The following MPHOSPH9 variants were observed in gnomAD, a reference collection of about 807,000 sequenced individuals.
MPHOSPH9 encodes the protein M-phase phosphoprotein 9.
A neutral mutation model predicts 145.5 loss-of-function variants in MPHOSPH9; 88 were observed. The ratio of observed to expected loss-of-function variants is 0.60; its 90% CI spans 0.51 to 0.72. The LOEUF (loss-of-function observed/expected upper bound fraction) is 0.72. Ranked by LOEUF, MPHOSPH9 falls within the 30% of genes least tolerant of loss-of-function variation. MPHOSPH9 has a pLI of 0.00. For synonymous variants in MPHOSPH9, 435 were observed against 486.2 expected (o/e 0.89, Z 1.39); for missense variants, 1,238 against 1,386.6 (o/e 0.89, Z 1.70).
intron 3 of MPHOSPH9, chr12:123,226,389 T>G: frequency 1.0e-6 from 1 of 968,194 alleles, no homozygotes; most frequent in Non-Finnish European, 1.3e-6. Flanking sequence ...AAAAGTACAA[T>G]TAACGTTTAA....
At chr12:123,163,173 T>C in intron 19 of MPHOSPH9, 39 bp from the exon 20 acceptor site, 1 of 1,536,554 alleles carries the variant, frequency 6.5e-7, no homozygotes, top group Non-Finnish European at 8.7e-7. Flanking sequence ...CTTTTCCTTC[T>C]ATATGTATCA....
chr12:123,193,787 T>C (rs918628426), intron 13 of MPHOSPH9, among the ~76,000 whole-genome samples: 34 of 151,866 alleles, frequency 2.2e-4, no homozygotes, highest in Non-Finnish European at 4.7e-4. Flanking sequence ...CACACAAATG[T>C]TAAGATAGCT....
At chr12:123,202,127 G>A in intron 11 of MPHOSPH9, 37 bp downstream of exon 11, 1 of 1,553,826 alleles carries the variant, frequency 6.4e-7, no homozygotes, top group Non-Finnish European at 8.7e-7. Flanking sequence ...ATACATCCAA[G>A]GTGGAGAAAA....
chr12:123,207,236 T>A (rs2046475477), intron 8 of MPHOSPH9, among the ~76,000 whole-genome samples: 1 of 146,386 alleles, frequency 6.8e-6, no homozygotes. Flanking sequence ...AAGTTGACAA[T>A]ACCGTAGAGT....
chr12:123,184,026 C>T (rs527283526), intron 13 of MPHOSPH9, among the ~76,000 whole-genome samples: 1 of 152,126 alleles, frequency 6.6e-6, no homozygotes, highest in South Asian at 2.1e-4. Flanking sequence ...CGCAATATAG[C>T]AAGACCCCAT....
At chr12:123,221,160 C>T (rs905671370) in intron 5 of MPHOSPH9, among the ~76,000 whole-genome samples, 1 of 152,206 alleles carries the variant, frequency 6.6e-6, no homozygotes, top group Admixed American at 6.5e-5. Context: ...TCTGGCAAAG[C>T]TTCCGACCTT....
intron 16 of MPHOSPH9, among the ~76,000 whole-genome samples, chr12:123,167,624 C>A (rs572619772): frequency 6.6e-6 from 1 of 152,292 alleles, no homozygotes; most frequent in South Asian, 2.1e-4. Flanking sequence ...TGGTTCACCA[C>A]AGCATGCGTA....
chr12:123,206,177 A>C (rs1037025733), intron 8 of MPHOSPH9, among the ~76,000 whole-genome samples: 1 of 152,102 alleles, frequency 6.6e-6, no homozygotes, highest in Non-Finnish European at 1.5e-5. Flanking sequence ...GGCCAGGCAT[A>C]GTGGTTCACA....
At chr12:123,235,036 C>T (rs2047821013), upstream of MPHOSPH9, among the ~76,000 whole-genome samples, 2 of 152,150 alleles carry the variant, frequency 1.3e-5, no homozygotes, top group Non-Finnish European at 2.9e-5. Context: ...AAAACAAAGG[C>T]CGATGAAATA....
At chr12:123,192,216 G>A (rs2102949) in intron 13 of MPHOSPH9, among the ~76,000 whole-genome samples, 90,243 of 151,978 alleles carry the variant, frequency 0.59, 31,178 homozygotes, top group Non-Finnish European at 0.75. Context: ...CACTTTGAGA[G>A]GCTGAGGCAG....
At chr12:123,202,528 A>C (rs2046265641) in intron 10 of MPHOSPH9, 96 bp downstream of exon 10, 1 of 1,314,928 alleles carries the variant, frequency 7.6e-7, no homozygotes, top group Admixed American at 2.8e-5. Context: ...TAAATCTCTA[A>C]GACTTTATGC....
chr12:123,239,764 T>C (rs1400081008), intron 1 of MPHOSPH9, among the ~76,000 whole-genome samples: 3 of 152,102 alleles, frequency 2.0e-5, no homozygotes, highest in Admixed American at 2.0e-4. Context: ...GAGGTGACAT[T>C]TTTTATTTTT....
Position 123,223,077 on chromosome 12 carries a change from C to A in MPHOSPH9, c.309G>T (p.Gln103His). ...FNLVEKQCQE[Q>H]IVAQQEQFHN... ...GGAACTGCTCCTGCTGGGCAACTAT[C>A]TGTTCTTGGCATTGTTTTTCCACCA... Residue 103 changes from glutamine to histidine, a missense_variant, in exon 4 of 24, where the codon CAG becomes CAT. By Grantham distance (24) the Gln-to-His change is conservative (BLOSUM62 0). This residue lies in a region of MPHOSPH9 where 837 missense variants were observed against 897.5 expected (regional missense o/e 0.93). Transcript: ENST00000606320. 6.7e-7 allele frequency: 1 copy of A among 1,498,324 alleles called. No individual in the cohort carries two copies. The highest frequency in any genetic ancestry group is 8.8e-7 in the Non-Finnish European group (1 of 1,132,012). The allele number at this position is 1,498,324 out of a possible 1,614,324, so 92.8% of individuals were successfully genotyped here.
intron 16 of MPHOSPH9, among the ~76,000 whole-genome samples, chr12:123,168,721 C>T (rs1220258839): frequency 6.6e-6 from 1 of 152,136 alleles, no homozygotes; most frequent in East Asian, 1.9e-4. Flanking sequence ...CTCCTCAAAC[C>T]TCCCATCCCA....
intron 20 of MPHOSPH9, 158 bp downstream of exon 20, chr12:123,162,856 T>C: frequency 1.5e-6 from 1 of 656,728 alleles, no homozygotes; most frequent in Non-Finnish European, 2.3e-6. Flanking sequence ...TGTACTGCAG[T>C]ACTTTAGTTG....
At chr12:123,188,745 G>C (rs376416578) in intron 13 of MPHOSPH9, among the ~76,000 whole-genome samples, 2 of 152,214 alleles carry the variant, frequency 1.3e-5, no homozygotes, top group East Asian at 3.8e-4. Flanking sequence ...CTACATGGTA[G>C]GCTAAGGCAG....
chr12:123,174,066 A>C (rs1023874852), intron 16 of MPHOSPH9, among the ~76,000 whole-genome samples: 1 of 152,214 alleles, frequency 6.6e-6, no homozygotes, highest in East Asian at 1.9e-4. Flanking sequence ...GCTAGGTCCC[A>C]TGAAGAACTG....
At chr12:123,220,346 A>C (rs564755680) in intron 5 of MPHOSPH9, among the ~76,000 whole-genome samples, 9 of 151,898 alleles carry the variant, frequency 5.9e-5, no homozygotes, top group Admixed American at 3.9e-4. Context: ...TGGGCACGTC[A>C]CCTGAGGTCA....
In MPHOSPH9 at chr12:123,165,417, T is replaced by A. The variant is rs1187153511; in HGVS notation, c.2652A>T (p.Ile884=). 6.2e-7 allele frequency: 1 copy of A among 1,613,898 alleles called. No individual in the cohort carries two copies. The highest frequency in any genetic ancestry group is 8.5e-7 in the Non-Finnish European group (1 of 1,179,842). The change falls in exon 18 of 24, where the codon ATA becomes ATT. Residue 884 remains isoleucine, a synonymous_variant. Transcript: ENST00000606320. ...SPGSSSTSLL[I]KKQRETSDTP... is the part of the protein sequence containing the mutation. ...TGTCTGAAGTCTCTCTTTGCTTTTT[T>A]ATCAACAAGCTTGTTGATGAACTTC...
Sources: allele counts gnomAD v4.1 joint callset (sites outside exome capture counted in the v4.1 genomes callset), GRCh38; gene constraint gnomAD v4.1.1; regional missense constraint gnomAD v4.1.1; transcripts MANE v1.5; gene names NCBI Gene and HGNC (gene_info 2026-07-23, HGNC 2026-07-21).